ZNF706: variants seen among roughly 807,000 people sequenced by gnomAD.
The protein encoded by ZNF706 is transcriptional regulator ZNF706.
ZNF706 carries 4 observed loss-of-function variants against 9.2 expected under a neutral mutation model. That is an observed-to-expected ratio of 0.43 (90% CI 0.21 to 0.99). ZNF706 has a LOEUF of 0.99. Ranked by LOEUF, ZNF706 falls within the 50% of genes least tolerant of loss-of-function variation. The probability of loss-of-function intolerance (pLI) is 0.26; values close to 1 mark genes in which losing one functional copy is unlikely to be tolerated. For synonymous variants in ZNF706, 28 were observed against 27.3 expected (o/e 1.03, Z -0.08); for missense variants, 27 against 87.8 (o/e 0.31, Z 2.77).
chr8:101,201,306 A>T lies in ZNF706; in HGVS notation c.135+301T>A, dbSNP rs1810547482. ...TATATAGCTCTAAGAGTGTAGAGTT[A>T]TATGATGTGCTAGTGAAGTGTATTA... On this transcript the variant is annotated intron_variant, in intron 2 of 3. Transcript: ENST00000311212. This position sits in a 1 kb window ranked among gnomAD's most constrained non-coding sequence, Gnocchi z 4.5. 3.2e-6 allele frequency: 1 copy of T among 309,782 alleles called. No homozygotes were observed. The highest frequency in any genetic ancestry group is 5.3e-5 in the South Asian group (1 of 18,958). 19.2% of individuals were successfully genotyped at this position (309,782 alleles called of 1,614,324 possible).
chr8:101,205,745 T>C (rs1481898137), upstream of ZNF706: 3 of 152,750 alleles, frequency 2.0e-5, no homozygotes, highest in East Asian at 5.9e-4. This position sits in a 1 kb window ranked among gnomAD's most constrained non-coding sequence, Gnocchi z 6.6. Context: ...GCTGCCTCCT[T>C]CTGGCCCCCA....
Position 101,201,461 on chromosome 8 carries a change from G to T in ZNF706, c.135+146C>A, listed in dbSNP as rs1586266637. ...TTCAAAAAATATTTGTTTAAAGGGT[G>T]AATGAAAATAGATACCTAAAATAAT... On this transcript the variant is annotated intron_variant, in intron 2 of 3. Transcript: ENST00000311212. This position sits in a 1 kb window ranked among gnomAD's most constrained non-coding sequence, Gnocchi z 4.5. The T allele has an allele frequency of 1.1e-5, 8 of 746,814 alleles. No homozygotes were observed. The East Asian group carries it at 1.9e-4, about 18-fold the overall frequency. 46.3% of individuals were successfully genotyped at this position (746,814 alleles called of 1,614,324 possible). A position where few individuals can be genotyped will look rare whatever the true frequency, so the allele number is the denominator to read the frequency against.
intron 1 of ZNF706, chr8:101,204,538 T>G: frequency 1.2e-6 from 1 of 819,234 alleles, no homozygotes; most frequent in Non-Finnish European, 1.5e-6. Context: ...ACAGCTCAAC[T>G]TAGGACTTGC....
chr8:101,204,115 G>A (rs761855778), intron 1 of ZNF706: 1 of 152,024 alleles, frequency 6.6e-6, no homozygotes. Context: ...CTTGTTTTAT[G>A]TTAAAAAAAA....
intron 2 of ZNF706, chr8:101,200,371 T>C (rs1422584879): frequency 7.4e-6 from 2 of 268,570 alleles, no homozygotes; most frequent in East Asian, 8.7e-5. Flanking sequence ...GAACCCTTAT[T>C]ATATTAAGCA....
intron 1 of ZNF706, chr8:101,203,268 G>A (rs1700272756): frequency 6.6e-6 from 1 of 152,090 alleles, no homozygotes; most frequent in African/African-American, 2.4e-5. Context: ...TGCTCATAAA[G>A]TCTATCATGA....
rs984386422 is a variant in ZNF706, at chr8:101,197,318, G to A, written c.*1934C>T. On this transcript the variant is annotated 3_prime_UTR_variant, in exon 4 of 4. Transcript: ENST00000311212. The stretch of plus-strand genomic sequence containing the variant: ...TAAAGAATCTTCAAATTAAATTACA[G>A]GGATGTTTGGTTTTTAACTCAAACA... 6 of 152,182 alleles carry A rather than the reference G, an allele frequency of 3.9e-5. No homozygotes were observed. Among genetic ancestry groups the A allele is most frequent in the East Asian group, 1.9e-4 (1 of 5,176 alleles). 9.4% of individuals were successfully genotyped at this position (152,182 alleles called of 1,614,324 possible).
chr8:101,200,423 C>T (rs1810515752), intron 2 of ZNF706: 3 of 218,818 alleles, frequency 1.4e-5, no homozygotes, highest in Non-Finnish European at 2.8e-5. Flanking sequence ...TAATCTTTAG[C>T]TCCTACTAGC....
In ZNF706 at chr8:101,201,576, G is replaced by A. The variant is rs1273758036; in HGVS notation, c.135+31C>T. The A allele has an allele frequency of 6.2e-7, 1 of 1,601,002 alleles. No homozygotes were observed. The highest frequency in any genetic ancestry group is 1.7e-5 in the Admixed American group (1 of 58,356). On this transcript the variant is annotated intron_variant, in intron 2 of 3. Transcript: ENST00000311212. This position sits in a 1 kb window ranked among gnomAD's most constrained non-coding sequence, Gnocchi z 4.5. ...ATTCAAGCCAAAACTGCCCACGGGA[G>A]AGCTGTATCTTTCAATTCAATTCCC...
rs143277641 is a variant in ZNF706 at position 101,198,608 on chromosome 8, G to A, written c.*644C>T. On this transcript the variant is annotated 3_prime_UTR_variant, in exon 4 of 4. Transcript: ENST00000311212. ...TATCAGTTATCTACAGGGTACACCT[G>A]ACTGGCAGTTAGAGCCAGGTCATAC... 1 of 152,324 alleles carries A rather than the reference G, an allele frequency of 6.6e-6. No homozygotes were observed. The highest frequency in any genetic ancestry group is 1.9e-4 in the East Asian group (1 of 5,190). 9.4% of individuals were successfully genotyped at this position (152,324 alleles called of 1,614,324 possible). A position where few individuals can be genotyped will look rare whatever the true frequency, so the allele number is the denominator to read the frequency against.
chr8:101,199,927 GAC>G, intron 3 of ZNF706, 61 bp downstream of exon 3: 3 of 1,064,750 alleles, frequency 2.8e-6, no homozygotes, highest in Non-Finnish European at 4.2e-6. Flanking sequence ...AATAAGTGAA[GAC>G]AGTTTTGGTC....
In ZNF706 at chr8:101,201,342, T is replaced by C; in HGVS notation, c.135+265A>G. ...TAGTGAAGTGTATTATATGCCCTTA[T>C]GAAGACATCTTTATTTTATATGAGG... is the stretch of plus-strand genomic sequence containing the variant. On this transcript the variant is annotated intron_variant, in intron 2 of 3. Transcript: ENST00000311212. This position sits in a 1 kb window ranked among gnomAD's most constrained non-coding sequence, Gnocchi z 4.5. The C allele has an allele frequency of 2.4e-6, 1 of 424,696 alleles. No individual in the cohort carries two copies. Among genetic ancestry groups the C allele is most frequent in the Non-Finnish European group, 4.2e-6 (1 of 238,058 alleles). 26.3% of individuals were successfully genotyped at this position (424,696 alleles called of 1,614,324 possible).
chr8:101,199,428 C>T (rs1196994630), intron 3 of ZNF706, among the ~76,000 whole-genome samples, 189 bp from the exon 4 acceptor site: 2 of 152,116 alleles, frequency 1.3e-5, no homozygotes, highest in Non-Finnish European at 2.9e-5. Flanking sequence ...AACACACCCA[C>T]CACCAACTCC....
chr8:101,200,151 T>A lies in ZNF706; in HGVS notation c.136-54A>T, dbSNP rs372002234. On this transcript the variant is annotated intron_variant, in intron 2 of 3. Coordinates refer to ENST00000311212, the MANE Select transcript of ZNF706 (RefSeq NM_016096.5). ...AGACTTTATTTATAAAATAAAAATG[T>A]GTTACTTTTTAGAATCCTGAACCTT... 4,557 of 1,429,526 alleles carry A rather than the reference T, an allele frequency of 3.2e-3. 15 individuals are homozygous for A. The highest frequency in any genetic ancestry group is 3.8e-3 in the Admixed American group (225 of 59,188). 88.6% of individuals were successfully genotyped at this position (1,429,526 alleles called of 1,614,324 possible).
At position 101,201,076 on chromosome 8, in the gene ZNF706, T is replaced by TAAAACA. The variant is rs1810540248; in HGVS notation, c.135+525_135+530dup. On this transcript the variant is annotated intron_variant, in intron 2 of 3. Coordinates refer to ENST00000311212, the MANE Select transcript of ZNF706 (RefSeq NM_016096.5). This position sits in a 1 kb window ranked among gnomAD's most constrained non-coding sequence, Gnocchi z 4.5. ...TGTGGATTAAATAGGTGAATACATG[T>TAAAACA]AAAACACCTGGCTCTATGTGTGGCA... 1 of 165,880 alleles carries TAAAACA rather than the reference T, an allele frequency of 6.0e-6. No homozygotes were observed. Among genetic ancestry groups the TAAAACA allele is most frequent in the Non-Finnish European group, 1.3e-5 (1 of 74,606 alleles). 10.3% of individuals were successfully genotyped at this position (165,880 alleles called of 1,614,324 possible).
At position 101,203,634 on chromosome 8, in the gene ZNF706, T is replaced by A. The variant is rs1163422642; in HGVS notation, c.-3+1801A>T. On this transcript the variant is annotated intron_variant, in intron 1 of 3. Transcript: ENST00000311212. ...CTTTTCAGGATAGTCAGCTGACTAT[T>A]TCAACTGAGGAAATATGGGGTTTTT... 2.6e-5 allele frequency: 4 copies of A among 152,174 alleles called. No individual in the cohort carries two copies. The East Asian group carries it at 7.7e-4, about 29-fold the overall frequency. 9.4% of individuals were successfully genotyped at this position (152,174 alleles called of 1,614,324 possible).
At chr8:101,200,186 G>A in intron 2 of ZNF706, 89 bp from the exon 3 acceptor site, 1 of 1,049,384 alleles carries the variant, frequency 9.5e-7, no homozygotes, top group Non-Finnish European at 1.4e-6. Context: ...TCTCAGTATA[G>A]ACAATTATCC....
At position 101,201,804 on chromosome 8, in the gene ZNF706, C is replaced by A; in HGVS notation, c.-2-61G>T. On this transcript the variant is annotated intron_variant, in intron 1 of 3. Transcript: ENST00000311212. The surrounding 1 kb of genome is among the most constrained non-coding windows in gnomAD (Gnocchi z 4.5). The stretch of plus-strand genomic sequence containing the variant: ...TTACTCTAATACAGAGTAATCAAAG[C>A]ATAAGAACGTTCTTAGAATTGAAGC... The A allele has an allele frequency of 6.5e-7, 1 of 1,531,704 alleles. No individual in the cohort carries two copies. Among genetic ancestry groups the A allele is most frequent in the Non-Finnish European group, 8.9e-7 (1 of 1,127,640 alleles). 94.9% of individuals were successfully genotyped at this position (1,531,704 alleles called of 1,614,324 possible). A position where few individuals can be genotyped will look rare whatever the true frequency, so the allele number is the denominator to read the frequency against.
At position 101,199,212 on chromosome 8, in the gene ZNF706, A is replaced by G. The variant is rs1237165902; in HGVS notation, c.*40T>C. 1.4e-6 allele frequency: 1 copy of G among 702,022 alleles called. No homozygotes were observed. Among genetic ancestry groups the G allele is most frequent in the South Asian group, 1.5e-5 (1 of 67,522 alleles). 43.5% of individuals were successfully genotyped at this position (702,022 alleles called of 1,614,324 possible). On this transcript the variant is annotated 3_prime_UTR_variant, in exon 4 of 4. Transcript: ENST00000311212. The stretch of plus-strand genomic sequence containing the variant: ...TATGTTACCTAAGGTCTGAGACAGT[A>G]GAAGAGTCAAAGGTGTCATGAATTC...
Sources: allele counts gnomAD v4.1 joint callset (sites outside exome capture counted in the v4.1 genomes callset), GRCh38; gene constraint gnomAD v4.1.1; non-coding constraint Gnocchi (gnomAD v3.1); transcripts MANE v1.5; gene names NCBI Gene and HGNC (gene_info 2026-07-23, HGNC 2026-07-21).